TNPO1: variants seen among roughly 807,000 people sequenced by gnomAD.
The protein encoded by TNPO1 is transportin 1.
Under a neutral mutation model 119.5 loss-of-function variants are expected in TNPO1, and 8 were observed. The ratio of observed to expected loss-of-function variants is 0.07; its 90% CI spans 0.04 to 0.12. TNPO1 has a LOEUF of 0.12. TNPO1 is among the 10% of genes least tolerant of loss of function. The probability of loss-of-function intolerance (pLI) is 1.00; values close to 1 mark genes in which losing one functional copy is unlikely to be tolerated. For missense variants in TNPO1, 576 were observed against 1,089.8 expected (o/e 0.53, Z 6.64); for synonymous variants, 362 against 363.0 (o/e 1.00, Z 0.03).
At chr5:72,854,426 C>G (rs1384265884) in intron 3 of TNPO1, among the ~76,000 whole-genome samples, 1 of 152,186 alleles carries the variant, frequency 6.6e-6, no homozygotes, top group Admixed American at 6.5e-5. Context: ...GAACATCATA[C>G]TAACTAGAAC....
At chr5:72,827,152 G>C (rs531266296) in intron 1 of TNPO1, among the ~76,000 whole-genome samples, 8 of 152,154 alleles carry the variant, frequency 5.3e-5, no homozygotes, top group African/African-American at 1.9e-4. Flanking sequence ...AAAAGTAAAG[G>C]CCCTTAGGTG....
At chr5:72,830,823 T>G (rs1033387096) in intron 1 of TNPO1, among the ~76,000 whole-genome samples, 2 of 152,178 alleles carry the variant, frequency 1.3e-5, no homozygotes, top group Non-Finnish European at 2.9e-5. Flanking sequence ...AATGAATTTA[T>G]GTTTTTTTCT....
chr5:72,890,554 T>C (rs1748970940), intron 14 of TNPO1, among the ~76,000 whole-genome samples: 1 of 152,196 alleles, frequency 6.6e-6, no homozygotes, highest in African/African-American at 2.4e-5. Flanking sequence ...TCCAAAGTCT[T>C]AAGAAATTGT....
At chr5:72,842,226 G>A (rs973106611) in intron 1 of TNPO1, among the ~76,000 whole-genome samples, 6 of 151,942 alleles carry the variant, frequency 3.9e-5, no homozygotes, top group Non-Finnish European at 8.8e-5. Context: ...ATGTTCTTTC[G>A]TATGCACATG....
intron 24 of TNPO1, among the ~76,000 whole-genome samples, chr5:72,905,876 G>A (rs1279915139): frequency 1.3e-5 from 2 of 152,090 alleles, no homozygotes; most frequent in Non-Finnish European, 2.9e-5. Context: ...CAGCCTAGGG[G>A]ACAGAGCAAG....
intron 5 of TNPO1, among the ~76,000 whole-genome samples, chr5:72,865,099 A>G (rs953252653): frequency 3.9e-5 from 6 of 152,184 alleles, no homozygotes; most frequent in African/African-American, 1.4e-4. Flanking sequence ...ATACCCTTGT[A>G]TTTTAACTGA....
chr5:72,841,948 T>C (rs904176888), intron 1 of TNPO1, among the ~76,000 whole-genome samples: 2 of 151,898 alleles, frequency 1.3e-5, no homozygotes, highest in African/African-American at 4.8e-5. Flanking sequence ...ATTCAGCAAA[T>C]GATTCAGCAA....
intron 13 of TNPO1, among the ~76,000 whole-genome samples, chr5:72,888,526 G>A (rs1748820024): frequency 1.3e-5 from 2 of 152,112 alleles, no homozygotes; most frequent in Admixed American, 1.3e-4. Context: ...ATTTTGTTTG[G>A]CCAGGAGAAT....
In TNPO1 at chr5:72,910,612, C is replaced by T. The variant is rs1399610103; in HGVS notation, c.*1939C>T. Reference sequence around the variant, plus strand: ...ATTTTAGTTTGTCACCTTTGCATTGCAGAATAAATACTGAATAACCATTTT... The same window carrying T: ...ATTTTAGTTTGTCACCTTTGCATTGTAGAATAAATACTGAATAACCATTTT... On this transcript the variant is annotated 3_prime_UTR_variant, in exon 25 of 25. Transcript: ENST00000337273. 6.6e-6 allele frequency: 1 copy of T among 152,560 alleles called. No homozygotes were observed. The highest frequency in any genetic ancestry group is 1.5e-5 in the Non-Finnish European group (1 of 67,998). 9.5% of individuals were successfully genotyped at this position (152,560 alleles called of 1,614,324 possible).
intron 9 of TNPO1, chr5:72,879,290 A>G (rs1748052576): frequency 6.2e-6 from 1 of 160,906 alleles, no homozygotes; most frequent in Non-Finnish European, 1.4e-5. Context: ...AACCTAGGCT[A>G]TAACATAAAC....
At chr5:72,861,193 G>A (rs1746420108) in intron 4 of TNPO1, among the ~76,000 whole-genome samples, 1 of 151,832 alleles carries the variant, frequency 6.6e-6, no homozygotes, top group Non-Finnish European at 1.5e-5. Context: ...TTACAGGTGT[G>A]AGCCACCGTG....
chr5:72,842,007 T>C (rs902346069), intron 1 of TNPO1, among the ~76,000 whole-genome samples: 2 of 152,192 alleles, frequency 1.3e-5, no homozygotes, highest in African/African-American at 4.8e-5. Flanking sequence ...AAAATAATAC[T>C]TGCTACCTAC....
At chr5:72,902,369 G>GA (rs770281867) in intron 22 of TNPO1, among the ~76,000 whole-genome samples, 4 of 152,140 alleles carry the variant, frequency 2.6e-5, no homozygotes, top group Non-Finnish European at 4.4e-5. Flanking sequence ...GATAGACGTT[G>GA]AAAACCTACA....
intron 8 of TNPO1, among the ~76,000 whole-genome samples, chr5:72,876,254 T>TG (rs1391628764): frequency 6.6e-6 from 1 of 152,204 alleles, no homozygotes; most frequent in Non-Finnish European, 1.5e-5. Flanking sequence ...GAGTAGGACA[T>TG]GATGTATCAT....
At chr5:72,837,484 G>A (rs1744734422) in intron 1 of TNPO1, among the ~76,000 whole-genome samples, 1 of 152,146 alleles carries the variant, frequency 6.6e-6, no homozygotes, top group Non-Finnish European at 1.5e-5. Context: ...GCCTTCCAAA[G>A]TCCCCACCTC....
intron 6 of TNPO1, among the ~76,000 whole-genome samples, chr5:72,866,540 G>A (rs1746919081): frequency 1.3e-5 from 2 of 152,130 alleles, no homozygotes; most frequent in African/African-American, 2.4e-5. Flanking sequence ...GATCGCTTGA[G>A]CTCAGGAGTT....
chr5:72,881,454 C>T (rs895045176), intron 9 of TNPO1, among the ~76,000 whole-genome samples: 1 of 152,198 alleles, frequency 6.6e-6, no homozygotes, highest in African/African-American at 2.4e-5. Context: ...CTACCCTGCT[C>T]TAGACTAATT....
chr5:72,867,903 A>G (rs1054942533), intron 6 of TNPO1, among the ~76,000 whole-genome samples: 4 of 152,106 alleles, frequency 2.6e-5, no homozygotes, highest in Non-Finnish European at 1.5e-5. Context: ...AATCAAATAG[A>G]TATTTGGTGT....
intron 24 of TNPO1, among the ~76,000 whole-genome samples, chr5:72,906,528 G>A (rs1044245603): frequency 1.3e-5 from 2 of 151,936 alleles, no homozygotes; most frequent in African/African-American, 4.8e-5. Context: ...CTGACCTTGT[G>A]ATGCACCCAC....
Sources: gnomAD v4.1 joint callset for allele counts (sites outside exome capture counted in the v4.1 genomes callset) on GRCh38, gnomAD v4.1.1 for gene constraint, MANE v1.5 for transcripts, NCBI Gene and HGNC (gene_info 2026-07-23, HGNC 2026-07-21) for gene names.